The following CLASP2 variants were observed in gnomAD, a reference collection of about 807,000 sequenced individuals.
CLASP2 encodes the protein CLIP-associating protein 2.
In CLASP2, 47 loss-of-function variants were observed where a neutral mutation model predicts 194.4. The observed-to-expected ratio is 0.24, with a 90% CI of 0.19 to 0.31. CLASP2 has a LOEUF of 0.31. CLASP2 is among the 10% of genes least tolerant of loss of function. The pLI is 1.00. For missense variants in CLASP2, 1,445 were observed against 1,823.6 expected (o/e 0.79, Z 3.78); for synonymous variants, 619 against 633.5 (o/e 0.98, Z 0.34).
Position 33,510,686 on chromosome 3 carries a change from G to A in CLASP2, c.4189C>T (p.Pro1397Ser). 1 of 1,613,670 alleles carries A rather than the reference G, an allele frequency of 6.2e-7. No individual in the cohort carries two copies. The highest frequency in any genetic ancestry group is 8.5e-7 in the Non-Finnish European group (1 of 1,179,794). ...SPEQCIKVLCPIIQTADYPIN... is the reference protein window; with the variant it reads ...SPEQCIKVLCSIIQTADYPIN... Reference sequence around the variant, plus strand: ...GGGTAGTCTGCAGTTTGAATGATAGGACAAAGCACTTTGATGCACTGCTCT... The same window carrying A: ...GGGTAGTCTGCAGTTTGAATGATAGAACAAAGCACTTTGATGCACTGCTCT... The change falls in exon 37 of 39, where the codon CCT becomes TCT. Residue 1397 changes from proline (P) to serine (S), a missense_variant. By Grantham distance (74) the Pro-to-Ser change is moderately conservative. This residue lies in a region of CLASP2 where 732 missense variants were observed against 987.9 expected (regional missense o/e 0.74). Coordinates refer to ENST00000682230, the MANE Select transcript of CLASP2 (RefSeq NM_001365631.1).
chr3:33,711,583 G>A (rs1365359062), intron 1 of CLASP2, among the ~76,000 whole-genome samples: 2 of 151,502 alleles, frequency 1.3e-5, no homozygotes, highest in Non-Finnish European at 2.9e-5. Flanking sequence ...TATCAAATAA[G>A]GACCATAAAA....
chr3:33,615,506 T>C (rs1414586403), intron 12 of CLASP2, among the ~76,000 whole-genome samples: 2 of 150,614 alleles, frequency 1.3e-5, no homozygotes, highest in African/African-American at 4.9e-5. Flanking sequence ...TCAAGAACTG[T>C]TAGAAAAATG....
At chr3:33,542,406 TG>T (rs1408251136) in intron 32 of CLASP2, among the ~76,000 whole-genome samples, 7 of 148,110 alleles carry the variant, frequency 4.7e-5, no homozygotes, top group African/African-American at 1.7e-4. Flanking sequence ...ACATATATAA[TG>T]AAAAAAATTA....
At chr3:33,699,001 G>A (rs1468086837) in intron 1 of CLASP2, among the ~76,000 whole-genome samples, 1 of 152,176 alleles carries the variant, frequency 6.6e-6, no homozygotes, top group East Asian at 1.9e-4. Flanking sequence ...GGAATAAAAG[G>A]AATTCCAGCA....
chr3:33,647,987 C>T (rs1237641939), intron 7 of CLASP2, among the ~76,000 whole-genome samples: 1 of 151,102 alleles, frequency 6.6e-6, no homozygotes, highest in Non-Finnish European at 1.5e-5. Context: ...GAGCTGAGAT[C>T]GCACCACTGC....
At position 33,684,461 on chromosome 3, in the gene CLASP2, C is replaced by T. The variant is rs904861628; in HGVS notation, c.547-5G>A. 1 of 1,562,890 alleles carries T rather than the reference C, an allele frequency of 6.4e-7. No individual in the cohort carries two copies. Among genetic ancestry groups the T allele is most frequent in the Non-Finnish European group, 8.7e-7 (1 of 1,149,682 alleles). The stretch of plus-strand genomic sequence containing the variant: ...CAATATTGCAGCATCTCTCACCTGT[C>T]AAAGAATTCAGAACTTTTTAATAAA... On this transcript the variant is annotated splice_polypyrimidine_tract_variant and splice_region_variant and intron_variant, in intron 5 of 38. Transcript: ENST00000682230.
At chr3:33,651,943 G>A (rs1347087104) in intron 7 of CLASP2, among the ~76,000 whole-genome samples, 2 of 152,056 alleles carry the variant, frequency 1.3e-5, no homozygotes, top group Non-Finnish European at 2.9e-5. Flanking sequence ...ACAGGCATGA[G>A]CCACCACACC....
intron 17 of CLASP2, 125 bp from the exon 18 acceptor site, chr3:33,603,250 G>C: frequency 1.0e-6 from 1 of 969,926 alleles, no homozygotes; most frequent in Non-Finnish European, 1.5e-6. Context: ...GTGGCCAAAT[G>C]GACAGTACTA....
chr3:33,584,653 G>T, intron 22 of CLASP2, 97 bp downstream of exon 22: 2 of 1,062,058 alleles, frequency 1.9e-6, no homozygotes, highest in South Asian at 1.9e-5. Flanking sequence ...TAATTTGTAA[G>T]TCCTAATTGT....
At chr3:33,710,072 C>A (rs1303350795) in intron 1 of CLASP2, among the ~76,000 whole-genome samples, 4 of 152,138 alleles carry the variant, frequency 2.6e-5, no homozygotes, top group African/African-American at 9.7e-5. Flanking sequence ...GGCTGATAAG[C>A]TTTGTGGCTG....
chr3:33,663,873 G>A (rs2085724480), intron 6 of CLASP2, among the ~76,000 whole-genome samples: 1 of 151,856 alleles, frequency 6.6e-6, no homozygotes, highest in South Asian at 2.1e-4. Context: ...ATCTTTTAAA[G>A]GCATATAAAA....
chr3:33,614,603 GGTT>G (rs2075780284), intron 12 of CLASP2, among the ~76,000 whole-genome samples: 1 of 152,142 alleles, frequency 6.6e-6, no homozygotes. Context: ...TAGTGGTGGT[GGTT>G]GTTTTGCTAT....
In CLASP2 at chr3:33,718,081, C is replaced by T. The variant is rs1433615327; in HGVS notation, c.-79G>A. 2.2e-6 allele frequency: 3 copies of T among 1,385,472 alleles called. No individual in the cohort carries two copies. The highest frequency in any genetic ancestry group is 1.5e-5 in the South Asian group (1 of 65,424). 85.8% of individuals were successfully genotyped at this position (1,385,472 alleles called of 1,614,324 possible). A position where few individuals can be genotyped will look rare whatever the true frequency, so the allele number is the denominator to read the frequency against. On this transcript the variant is annotated 5_prime_UTR_variant, in exon 1 of 39. Coordinates refer to ENST00000682230, the MANE Select transcript of CLASP2 (RefSeq NM_001365631.1). ...AGCCGCCCAGCCTCCAGTGCGGGTC[C>T]CCGCGGGAGCGGGCGGGACTCACTT...
chr3:33,520,972 A>T (rs550937080), intron 34 of CLASP2, among the ~76,000 whole-genome samples: 15 of 152,188 alleles, frequency 9.9e-5, no homozygotes, highest in African/African-American at 3.6e-4. Flanking sequence ...CCTTAATAGG[A>T]ACAATGGATC....
chr3:33,621,531 C>G (rs1056639019), intron 11 of CLASP2, among the ~76,000 whole-genome samples: 1 of 152,050 alleles, frequency 6.6e-6, no homozygotes, highest in Non-Finnish European at 1.5e-5. Context: ...TGTTCCTTTT[C>G]TTGCAATCCT....
intron 29 of CLASP2, among the ~76,000 whole-genome samples, chr3:33,554,079 T>C (rs965882854): frequency 2.9e-4 from 44 of 151,910 alleles, no homozygotes; most frequent in African/African-American, 9.9e-4. Context: ...AATACAAAAA[T>C]TAGCCGGGCG....
intron 23 of CLASP2, chr3:33,577,363 T>G: frequency 1.1e-6 from 1 of 897,748 alleles, no homozygotes; most frequent in African/African-American, 1.7e-5. Flanking sequence ...AACACTGGTG[T>G]TATTCTTTAT....
At chr3:33,531,218 A>G (rs1448767240) in intron 34 of CLASP2, among the ~76,000 whole-genome samples, 1 of 152,224 alleles carries the variant, frequency 6.6e-6, no homozygotes, top group East Asian at 1.9e-4. Flanking sequence ...GAAAATTAAA[A>G]ATTTCTGTGT....
intron 26 of CLASP2, 39 bp from the exon 27 acceptor site, chr3:33,566,773 G>C (rs1341398274): frequency 2.4e-6 from 1 of 416,998 alleles, no homozygotes; most frequent in Non-Finnish European, 4.7e-6. Flanking sequence ...CATGCAAAAA[G>C]AAAAAAAGAA....
Sources: gnomAD v4.1 joint callset for allele counts (sites outside exome capture counted in the v4.1 genomes callset) on GRCh38, gnomAD v4.1.1 for gene constraint, gnomAD v4.1.1 regional missense constraint, MANE v1.5 for transcripts, NCBI Gene and HGNC (gene_info 2026-07-23, HGNC 2026-07-21) for gene names.